Variants in TRPV2 observed in about 807,000 individuals in gnomAD.
TRPV2 encodes OTRPC2.
TRPV2 carries 58 observed loss-of-function variants against 91.0 expected under a neutral mutation model. The ratio of observed to expected loss-of-function variants is 0.64; its 90% CI spans 0.52 to 0.79. The LOEUF is 0.79. TRPV2 is among the 30% of genes least tolerant of loss of function. The probability of loss-of-function intolerance (pLI) is 0.00; values close to 1 mark genes in which losing one functional copy is unlikely to be tolerated. For synonymous variants in TRPV2, 417 were observed against 414.8 expected (o/e 1.01, Z -0.06); for missense variants, 807 against 969.6 (o/e 0.83, Z 2.23).
intron 5 of TRPV2, among the ~76,000 whole-genome samples, chr17:16,424,457 G>A (rs2093373621): frequency 6.6e-6 from 1 of 151,922 alleles, no homozygotes; most frequent in African/African-American, 2.4e-5. Context: ...ACTGCACCCA[G>A]CTAATTTTTT....
chr17:16,425,420 C>T (rs551220074), intron 5 of TRPV2, among the ~76,000 whole-genome samples: 54 of 152,360 alleles, frequency 3.5e-4, no homozygotes, highest in African/African-American at 1.3e-3. Context: ...TTCCAGATAG[C>T]TTACCAATGG....
At chr17:16,430,108 G>T (rs12946819) in intron 10 of TRPV2, among the ~76,000 whole-genome samples, 56,343 of 151,776 alleles carry the variant, frequency 0.37, 10,812 homozygotes, top group Non-Finnish European at 0.4. Flanking sequence ...CAGGTGATCC[G>T]CCTGCCTTGG....
chr17:16,426,933 C>G lies in TRPV2; in HGVS notation c.1251+56C>G. 1 of 1,575,854 alleles carries G rather than the reference C, an allele frequency of 6.3e-7. No individual in the cohort carries two copies. The highest frequency in any genetic ancestry group is 8.6e-7 in the Non-Finnish European group (1 of 1,162,504). Reference sequence around the variant, plus strand: ...TTGGGGGAGGCCTGCTTGAAACAACCCTGGGGGAAGATGGGGCAGTAATAG... The same window carrying G: ...TTGGGGGAGGCCTGCTTGAAACAACGCTGGGGGAAGATGGGGCAGTAATAG... On this transcript the variant is annotated intron_variant, in intron 7 of 14. Coordinates refer to ENST00000338560, the MANE Select transcript of TRPV2 (RefSeq NM_016113.5). The surrounding 1 kb of genome is among the most constrained non-coding windows in gnomAD (Gnocchi z 6.0).
chr17:16,436,685 C>T (rs1012232139), intron 14 of TRPV2, 104 bp from the exon 15 acceptor site: 5 of 796,580 alleles, frequency 6.3e-6, no homozygotes, highest in Admixed American at 1.9e-5. Flanking sequence ...GAGGCTGTCC[C>T]CACGGCATGA....
At chr17:16,433,805 G>A (rs1313971536) in intron 13 of TRPV2, 107 bp downstream of exon 13, 1 of 1,495,542 alleles carries the variant, frequency 6.7e-7, no homozygotes, top group African/African-American at 1.4e-5. Flanking sequence ...TGGTGGGAAG[G>A]GCAGGCCCAA....
intron 10 of TRPV2, among the ~76,000 whole-genome samples, chr17:16,431,147 GC>G (rs2093408013): frequency 6.7e-6 from 1 of 149,646 alleles, no homozygotes; most frequent in East Asian, 1.9e-4. Flanking sequence ...GACATTCTGG[GC>G]TCAAGCAATC....
chr17:16,433,475 G>T (rs1179465354), intron 12 of TRPV2, 99 bp from the exon 13 acceptor site: 2 of 1,516,820 alleles, frequency 1.3e-6, no homozygotes, highest in Non-Finnish European at 8.9e-7. Context: ...GTTATACTGT[G>T]AAGTGCTGCG....
chr17:16,426,214 A>G lies in TRPV2; in HGVS notation c.1040A>G (p.Asp347Gly). 6.2e-7 allele frequency: 1 copy of G among 1,614,122 alleles called. No individual in the cohort carries two copies. Among genetic ancestry groups the G allele is most frequent in the Non-Finnish European group, 8.5e-7 (1 of 1,180,018 alleles). Residue 347 changes from aspartate (D) to glycine (G), a missense_variant, in exon 6 of 15, where the codon GAC becomes GGC. By Grantham distance (94) the Asp-to-Gly change is moderately conservative. Transcript: ENST00000338560. This position sits in a 1 kb window ranked among gnomAD's most constrained non-coding sequence, Gnocchi z 6.0. The part of the protein sequence containing the change: ...RVSLYDLASV[D>G]SCEENSVLEI... ...TCGCTGTATGACCTGGCTTCTGTGG[A>G]CAGCTGTGAGGAGAACTCAGTGCTG...
rs763591731 is a variant in TRPV2 at position 16,428,866 on chromosome 17, G to A, written c.1471G>A (p.Ala491Thr). 1 of 1,613,894 alleles carries A rather than the reference G, an allele frequency of 6.2e-7. No homozygotes were observed. The highest frequency in any genetic ancestry group is 8.5e-7 in the Non-Finnish European group (1 of 1,180,038). The change falls in exon 10 of 15, where the codon GCC becomes ACC. Residue 491 changes from alanine (A) to threonine (T), a missense_variant. Transcript: ENST00000338560. ...TVVSQVLCFL[A>T]IEWYLPLLVS... is the part of the protein sequence containing the mutation. ...GGTGTCCCAGGTGCTGTGTTTCCTGGCCATCGAGTGGTACCTGCCCCTGCT... is the reference window on the plus strand; with the variant it reads ...GGTGTCCCAGGTGCTGTGTTTCCTGACCATCGAGTGGTACCTGCCCCTGCT...
intron 4 of TRPV2, among the ~76,000 whole-genome samples, chr17:16,423,215 G>A (rs2093366621): frequency 6.6e-6 from 1 of 152,240 alleles, no homozygotes; most frequent in South Asian, 2.1e-4. Context: ...CCCAGACCCA[G>A]GGAAAGAAAT....
At chr17:16,430,319 A>T (rs4792744) in intron 10 of TRPV2, among the ~76,000 whole-genome samples, 2 of 151,820 alleles carry the variant, frequency 1.3e-5, no homozygotes, top group African/African-American at 4.8e-5. Context: ...CCCTTCCCCC[A>T]GTCCCTGGAA....
Position 16,422,588 on chromosome 17 carries a change from T to C in TRPV2, c.335-11T>C, listed in dbSNP as rs2093363257. 6.2e-7 allele frequency: 1 copy of C among 1,609,278 alleles called. No individual in the cohort carries two copies. Among genetic ancestry groups the C allele is most frequent in the South Asian group, 1.1e-5 (1 of 90,720 alleles). ...CACCACTGTGCCCCTTCCCCTCCCT[T>C]CTTCCCACAGAGGGCTCCACAGGTA... On this transcript the variant is annotated splice_polypyrimidine_tract_variant and intron_variant, in intron 3 of 14. Transcript: ENST00000338560.
Position 16,426,350 on chromosome 17 carries a change from G to GAGAAAA in TRPV2, c.1095+82_1095+83insGAAAAA, listed in dbSNP as rs2093383239. Reference sequence around the variant, plus strand: ...GTCCACAAATTGGGGCTGCCTGCTGGACCATATCTGCCCCATTCCTGTGCC... The same window carrying GAGAAAA: ...GTCCACAAATTGGGGCTGCCTGCTGGAGAAAAACCATATCTGCCCCATTCCTGTGCC... On this transcript the variant is annotated intron_variant, in intron 6 of 14. Coordinates refer to ENST00000338560, the MANE Select transcript of TRPV2 (RefSeq NM_016113.5). The surrounding 1 kb of genome is among the most constrained non-coding windows in gnomAD (Gnocchi z 6.0). 6.6e-7 allele frequency: 1 copy of GAGAAAA among 1,518,044 alleles called. No individual in the cohort carries two copies. The highest frequency in any genetic ancestry group is 8.9e-7 in the Non-Finnish European group (1 of 1,119,404). 94.0% of individuals were successfully genotyped at this position (1,518,044 alleles called of 1,614,324 possible).
intron 13 of TRPV2, chr17:16,434,622 T>C: frequency 2.3e-6 from 1 of 436,814 alleles, no homozygotes; most frequent in Non-Finnish European, 4.0e-6. Flanking sequence ...GAATTCCTCT[T>C]CTCTGGTTGT....
intron 5 of TRPV2, among the ~76,000 whole-genome samples, chr17:16,424,934 CTATTATACATTA>C (rs2093375804): frequency 6.8e-6 from 1 of 146,720 alleles, no homozygotes; most frequent in South Asian, 2.1e-4. Flanking sequence ...TATGTTATAA[CTATTATACATTA>C]TATTATACAT....
intron 2 of TRPV2, 126 bp downstream of exon 2, chr17:16,417,994 C>T (rs1361089725): frequency 2.0e-6 from 2 of 982,436 alleles, no homozygotes; most frequent in African/African-American, 3.3e-5. Flanking sequence ...AGTCCTCAGT[C>T]TGGCCCTGGT....
chr17:16,417,850 G>T lies in TRPV2; in HGVS notation c.182G>T (p.Arg61Leu). The change falls in exon 2 of 15, where the codon CGA becomes CTA. Residue 61 changes from arginine to leucine, a missense_variant. By Grantham distance (102) the Arg-to-Leu change is moderately radical (BLOSUM62 -2). Transcript: ENST00000338560. ...CAGATAAGAGTCAACCTCAACTACC[G>T]AAAGGGAACAGGTGCCAGGTGAGAC... ...APQIRVNLNY[R>L]KGTGASQPDP... is the part of the protein sequence containing the mutation. The T allele has an allele frequency of 2.5e-6, 4 of 1,614,030 alleles. No individual in the cohort carries two copies. The highest frequency in any genetic ancestry group is 3.4e-6 in the Non-Finnish European group (4 of 1,179,942).
In TRPV2 at chr17:16,435,023, T is replaced by G. The variant is rs535528913; in HGVS notation, c.2194+54T>G. ...CCCTGGGGTGTGTGTCTCTGCTGCTTGGCCACAAAGCCTTGGAGAGTCTGG... is the reference window on the plus strand; with the variant it reads ...CCCTGGGGTGTGTGTCTCTGCTGCTGGGCCACAAAGCCTTGGAGAGTCTGG... On this transcript the variant is annotated intron_variant, in intron 14 of 14. Coordinates refer to ENST00000338560, the MANE Select transcript of TRPV2 (RefSeq NM_016113.5). The surrounding 1 kb of genome is among the most constrained non-coding windows in gnomAD (Gnocchi z 4.2). 21 of 1,515,454 alleles carry G rather than the reference T, an allele frequency of 1.4e-5. 1 individual carries two copies. The South Asian group carries it at 2.3e-4, about 16-fold the overall frequency. The allele number at this position is 1,515,454 out of a possible 1,614,324, so 93.9% of individuals were successfully genotyped here.
At position 16,424,161 on chromosome 17, in the gene TRPV2, GTT is replaced by G. The variant is rs71152804; in HGVS notation, c.924+407_924+408del. 3.0e-3 allele frequency among the ~76,000 whole-genome samples: 401 copies of G among 133,648 alleles called. 2 individuals are homozygous for G. Among genetic ancestry groups the G allele is most frequent in the African/African-American group, 0.011 (380 of 35,286 alleles). The allele number at this position is 133,648 out of a possible 152,430, so 87.7% of individuals were successfully genotyped here. On this transcript the variant is annotated intron_variant, in intron 5 of 14. Coordinates refer to ENST00000338560, the MANE Select transcript of TRPV2 (RefSeq NM_016113.5). Reference sequence around the variant, plus strand: ...TGTGCCACCACACCCAGCTAATTTTGTTTTTTTTTTTTTTGAGACGGACCCTC... The same window carrying G: ...TGTGCCACCACACCCAGCTAATTTTGTTTTTTTTTTTTGAGACGGACCCTC...
Sources: gnomAD v4.1 joint callset for allele counts (sites outside exome capture counted in the v4.1 genomes callset) on GRCh38, gnomAD v4.1.1 for gene constraint, Gnocchi (gnomAD v3.1) non-coding constraint, MANE v1.5 for transcripts, NCBI Gene and HGNC (gene_info 2026-07-23, HGNC 2026-07-21) for gene names.